The following GTSF1 variants were observed in gnomAD, a reference collection of about 807,000 sequenced individuals.
GTSF1 encodes the protein gametocyte specific factor 1, also known as gametocyte-specific factor 1.
Under a neutral mutation model 28.9 loss-of-function variants are expected in GTSF1, and 11 were observed. That is an observed-to-expected ratio of 0.38 (90% CI 0.24 to 0.63). GTSF1 has a LOEUF of 0.63. GTSF1 is among the 30% of genes least tolerant of loss of function. The pLI, the probability that GTSF1 is intolerant of heterozygous loss-of-function variation, is 0.56. For missense variants in GTSF1, 146 were observed against 201.0 expected, an observed-to-expected ratio of 0.73 and a Z score of 1.66; for synonymous variants, 69 against 65.6, an observed-to-expected ratio of 1.05 and a Z score of -0.25.
At chr12:54,462,376 G>A (rs1361338400) in intron 5 of GTSF1, among the ~76,000 whole-genome samples, 1 of 152,188 alleles carries the variant, frequency 6.6e-6, no homozygotes, top group East Asian at 1.9e-4. Flanking sequence ...AATAATAAAC[G>A]TGCCTACTAA....
chr12:54,471,151 C>T, intron 2 of GTSF1, 82 bp downstream of exon 2: 1 of 1,129,920 alleles, frequency 8.9e-7, no homozygotes, highest in Non-Finnish European at 1.2e-6. Flanking sequence ...GACTTCTTCC[C>T]AGCACACTAA....
intron 1 of GTSF1, among the ~76,000 whole-genome samples, chr12:54,471,513 A>T (rs1956593929): frequency 6.6e-6 from 1 of 152,202 alleles, no homozygotes; most frequent in Admixed American, 6.5e-5. Context: ...CAAATAGTTA[A>T]GAAAAACCAA....
chr12:54,468,457 G>A (rs1389991870), intron 2 of GTSF1, among the ~76,000 whole-genome samples: 2 of 152,270 alleles, frequency 1.3e-5, no homozygotes, highest in South Asian at 2.1e-4. Context: ...ACACCTAAGA[G>A]TATTGCATTG....
chr12:54,472,782 T>C (rs1956607854), intron 1 of GTSF1: 1 of 152,218 alleles, frequency 6.6e-6, no homozygotes, highest in African/African-American at 2.4e-5. Flanking sequence ...ACTGAGCCCA[T>C]TTGTTAATGA....
At chr12:54,467,785 T>G (rs2120788501) in intron 2 of GTSF1, among the ~76,000 whole-genome samples, 1 of 152,250 alleles carries the variant, frequency 6.6e-6, no homozygotes, top group Non-Finnish European at 1.5e-5. Context: ...GATTTGTTTT[T>G]TTTTTTGAGA....
chr12:54,471,636 TTAATA>T (rs747914596), intron 1 of GTSF1: 22 of 163,308 alleles, frequency 1.3e-4, no homozygotes, highest in Non-Finnish European at 2.2e-4. Context: ...TTTGACACTA[TTAATA>T]TAATAGTGAT....
intron 3 of GTSF1, among the ~76,000 whole-genome samples, chr12:54,464,244 T>C (rs1380328933): frequency 2.0e-5 from 3 of 152,168 alleles, no homozygotes; most frequent in East Asian, 1.9e-4. Flanking sequence ...TGGGAAATGT[T>C]TGAGAGCCTA....
At chr12:54,469,847 C>G (rs1305066830) in intron 2 of GTSF1, among the ~76,000 whole-genome samples, 1 of 152,006 alleles carries the variant, frequency 6.6e-6, no homozygotes, top group African/African-American at 2.4e-5. Flanking sequence ...AGCCACCACG[C>G]CTGGCTCAGG....
intron 2 of GTSF1, among the ~76,000 whole-genome samples, chr12:54,466,615 A>C (rs1956515602): frequency 6.6e-6 from 1 of 152,138 alleles, no homozygotes; most frequent in African/African-American, 2.4e-5. Flanking sequence ...TCCCATCACT[A>C]GCAAATGTTA....
intron 3 of GTSF1, among the ~76,000 whole-genome samples, chr12:54,464,238 A>G (rs961930500): frequency 1.3e-5 from 2 of 152,150 alleles, no homozygotes; most frequent in Non-Finnish European, 2.9e-5. Context: ...TCCATTTGGG[A>G]AATGTTTGAG....
At chr12:54,465,604 C>T (rs1420482644) in intron 2 of GTSF1, among the ~76,000 whole-genome samples, 4 of 152,030 alleles carry the variant, frequency 2.6e-5, no homozygotes, top group African/African-American at 9.7e-5. Context: ...ACAACTAGTT[C>T]AAGTCATCCC....
intron 2 of GTSF1, among the ~76,000 whole-genome samples, chr12:54,470,773 C>T (rs1339609351): frequency 6.6e-6 from 1 of 152,164 alleles, no homozygotes; most frequent in Non-Finnish European, 1.5e-5. Flanking sequence ...GATGATTTTT[C>T]AAGTCCCTTT....
At chr12:54,469,644 T>C (rs926547575) in intron 2 of GTSF1, among the ~76,000 whole-genome samples, 15 of 129,020 alleles carry the variant, frequency 1.2e-4, no homozygotes, top group Non-Finnish European at 2.2e-4. Flanking sequence ...GCTGAGATCA[T>C]ACCACTGCAC....
chr12:54,469,687 C>CAAAAA (rs375917825), intron 2 of GTSF1, among the ~76,000 whole-genome samples: 16 of 57,628 alleles, frequency 2.8e-4, no homozygotes, highest in East Asian at 1.5e-3. Flanking sequence ...GACTCCTTCT[C>CAAAAA]AAAAAAAAAA....
intron 1 of GTSF1, among the ~76,000 whole-genome samples, chr12:54,473,263 AAACAAC>A (rs368778057): frequency 1.9e-4 from 29 of 152,194 alleles, no homozygotes; most frequent in African/African-American, 6.3e-4. Context: ...TTCTTCCTTT[AAACAAC>A]AACAACAACA....
intron 4 of GTSF1, 33 bp from the exon 5 acceptor site, chr12:54,462,758 G>A (rs771357268): frequency 1.9e-6 from 3 of 1,552,332 alleles, no homozygotes; most frequent in Non-Finnish European, 2.7e-6. Context: ...TATAAGAGGG[G>A]GATATTGCCA....
chr12:54,463,785 G>C (rs1956463817), intron 3 of GTSF1, among the ~76,000 whole-genome samples: 1 of 152,194 alleles, frequency 6.6e-6, no homozygotes, highest in Admixed American at 6.5e-5. Flanking sequence ...GGGAGCCACA[G>C]AAGAGGCAAA....
At chr12:54,461,911 C>T (rs185236668) in intron 6 of GTSF1, among the ~76,000 whole-genome samples, 198 bp downstream of exon 6, 1 of 152,162 alleles carries the variant, frequency 6.6e-6, no homozygotes, top group Non-Finnish European at 1.5e-5. Flanking sequence ...TTTTTGTATC[C>T]CTTATGATTG....
intron 1 of GTSF1, chr12:54,471,994 A>G (rs1452840323): frequency 6.6e-6 from 1 of 152,314 alleles, no homozygotes; most frequent in African/African-American, 2.4e-5. Context: ...TCCAGGAGCT[A>G]TGAGGTTCGT....
Sources: allele counts gnomAD v4.1 joint callset (sites outside exome capture counted in the v4.1 genomes callset), GRCh38; gene constraint gnomAD v4.1.1; transcripts MANE v1.5; gene names NCBI Gene and HGNC (gene_info 2026-07-23, HGNC 2026-07-21).